Variants in PAQR5 observed in about 807,000 individuals in gnomAD.
PAQR5 encodes the protein membrane progestin receptor gamma.
PAQR5 carries 20 observed loss-of-function variants against 34.5 expected under a neutral mutation model. That is an observed-to-expected ratio of 0.58 (90% CI 0.41 to 0.84). The LOEUF (loss-of-function observed/expected upper bound fraction) is 0.84. PAQR5 is among the 40% of genes least tolerant of loss of function. The pLI is 0.00. For missense variants in PAQR5, 378 were observed against 412.7 expected, an observed-to-expected ratio of 0.92 and a Z score of 0.73; for synonymous variants, 131 against 155.6, an observed-to-expected ratio of 0.84 and a Z score of 1.18.
chr15:69,361,367 A>G (rs1457707463), intron 3 of PAQR5, among the ~76,000 whole-genome samples: 1 of 152,206 alleles, frequency 6.6e-6, no homozygotes, highest in Non-Finnish European at 1.5e-5. Flanking sequence ...TTAAATGTGC[A>G]TGAGAAATTC....
chr15:69,302,332 CA>C (rs1051736459), intron 1 of PAQR5, among the ~76,000 whole-genome samples: 1 of 152,060 alleles, frequency 6.6e-6, no homozygotes, highest in African/African-American at 2.4e-5. Flanking sequence ...CTCTACCTCC[CA>C]AAGTGCTGGG....
At chr15:69,302,292 C>T (rs909398694) in intron 1 of PAQR5, among the ~76,000 whole-genome samples, 2 of 152,148 alleles carry the variant, frequency 1.3e-5, no homozygotes, top group South Asian at 2.1e-4. Flanking sequence ...AGGCTGCTCT[C>T]GAACTCCTGA....
intron 8 of PAQR5, among the ~76,000 whole-genome samples, chr15:69,403,340 C>T (rs191014275): frequency 6.6e-5 from 10 of 152,252 alleles, no homozygotes; most frequent in Non-Finnish European, 1.2e-4. Context: ...AGTTTTAGAA[C>T]ATTTTCATCC....
chr15:69,361,843 T>C (rs1295770424), intron 3 of PAQR5, among the ~76,000 whole-genome samples: 2 of 151,700 alleles, frequency 1.3e-5, no homozygotes, highest in African/African-American at 4.8e-5. Context: ...GAAGGCTTCA[T>C]GAAGGGGGTG....
intron 7 of PAQR5, among the ~76,000 whole-genome samples, chr15:69,398,630 T>TAGAA (rs2056529515): frequency 1.3e-5 from 2 of 152,196 alleles, no homozygotes; most frequent in South Asian, 4.1e-4. Context: ...GAGCACGTTC[T>TAGAA]CTGTGCTCTG....
chr15:69,358,982 T>C (rs28542352), intron 2 of PAQR5, among the ~76,000 whole-genome samples: 8,487 of 152,158 alleles, frequency 0.056, 801 homozygotes, highest in African/African-American at 0.19. Flanking sequence ...TATCTAAGAC[T>C]GGGTAATTTA....
At chr15:69,354,885 A>G (rs1265847943) in intron 2 of PAQR5, among the ~76,000 whole-genome samples, 1 of 152,198 alleles carries the variant, frequency 6.6e-6, no homozygotes, top group African/African-American at 2.4e-5. Context: ...TTTCTCCTGG[A>G]GCTGGGTCAC....
At chr15:69,350,686 C>A (rs561390134) in intron 2 of PAQR5, among the ~76,000 whole-genome samples, 18 of 150,762 alleles carry the variant, frequency 1.2e-4, no homozygotes, top group Non-Finnish European at 2.2e-4. Context: ...CACACACACA[C>A]AAAACAAACA....
At chr15:69,340,927 T>C (rs1201575129) in intron 2 of PAQR5, among the ~76,000 whole-genome samples, 4 of 152,196 alleles carry the variant, frequency 2.6e-5, no homozygotes, top group Admixed American at 6.5e-5. Context: ...GAAAATAAAT[T>C]TTTGTATTAA....
chr15:69,301,929 G>A (rs2053614933), intron 1 of PAQR5, among the ~76,000 whole-genome samples: 2 of 138,596 alleles, frequency 1.4e-5, no homozygotes, highest in South Asian at 2.3e-4. Flanking sequence ...ATGGTGGCAG[G>A]AAACTGGGCA....
intron 1 of PAQR5, among the ~76,000 whole-genome samples, chr15:69,299,259 G>T (rs905568758): frequency 6.6e-6 from 1 of 152,286 alleles, no homozygotes; most frequent in African/African-American, 2.4e-5. Flanking sequence ...TTCACCGCAC[G>T]CGGGGCCGGT....
rs2056751059 is a variant in PAQR5 at position 69,406,458 on chromosome 15, T to C, written c.*2636T>C. ...GAATTTGTGGCTGGTCTGAAGGTAG[T>C]GAGTTAGCTCAATTGATTGTTCGCA... On this transcript the variant is annotated 3_prime_UTR_variant, in exon 9 of 9. Transcript: ENST00000395407. The C allele has an allele frequency of 6.6e-6, 1 of 152,266 alleles. No individual in the cohort carries two copies. Among genetic ancestry groups the C allele is most frequent in the Admixed American group, 6.5e-5 (1 of 15,294 alleles). 9.4% of individuals were successfully genotyped at this position (152,266 alleles called of 1,614,324 possible).
chr15:69,324,456 T>C (rs2140627484), intron 1 of PAQR5, among the ~76,000 whole-genome samples: 1 of 152,366 alleles, frequency 6.6e-6, no homozygotes, highest in East Asian at 1.9e-4. Flanking sequence ...TTGAAACTTT[T>C]ATGATCCTCA....
chr15:69,318,662 A>C, intron 1 of PAQR5, among the ~76,000 whole-genome samples: 1 of 151,886 alleles, frequency 6.6e-6, no homozygotes, highest in Non-Finnish European at 1.5e-5. Flanking sequence ...CCTTATCTGC[A>C]AGGGAGGTAG....
intron 1 of PAQR5, among the ~76,000 whole-genome samples, chr15:69,302,281 C>G (rs2053623142): frequency 6.6e-6 from 1 of 152,048 alleles, no homozygotes; most frequent in Non-Finnish European, 1.5e-5. Flanking sequence ...CTATGTTGCC[C>G]AGGCTGCTCT....
Position 69,404,846 on chromosome 15 carries a change from C to T in PAQR5, c.*1024C>T. ...ACAAATGCAGACTCCTAGGGAAAAC[C>T]AGGGGGTTCTGCTTCACTAGGTTAA... On this transcript the variant is annotated 3_prime_UTR_variant, in exon 9 of 9. Coordinates refer to ENST00000395407, the MANE Select transcript of PAQR5 (RefSeq NM_017705.4). 5.0e-6 allele frequency: 2 copies of T among 397,748 alleles called. No homozygotes were observed. The highest frequency in any genetic ancestry group is 8.9e-6 in the Non-Finnish European group (2 of 225,802). 24.6% of individuals were successfully genotyped at this position (397,748 alleles called of 1,614,324 possible).
At chr15:69,347,167 C>T (rs534582226) in intron 2 of PAQR5, among the ~76,000 whole-genome samples, 1 of 152,216 alleles carries the variant, frequency 6.6e-6, no homozygotes, top group East Asian at 1.9e-4. Context: ...ATTTTAAATG[C>T]AAAATAACCA....
intron 6 of PAQR5, among the ~76,000 whole-genome samples, chr15:69,394,740 G>A (rs1326103099): frequency 6.6e-6 from 1 of 152,192 alleles, no homozygotes; most frequent in East Asian, 1.9e-4. Context: ...CACGTGGGGC[G>A]CCTCTGAGGA....
chr15:69,306,349 TTTACCATTTAACCTTTAACC>T (rs1435949890), intron 1 of PAQR5, among the ~76,000 whole-genome samples: 9 of 152,008 alleles, frequency 5.9e-5, no homozygotes, highest in South Asian at 4.2e-4. Flanking sequence ...ACCTTTTTTT[TTTACCATTTAACCTTTAACC>T]TTTACCATTT....
Sources: allele counts gnomAD v4.1 joint callset (sites outside exome capture counted in the v4.1 genomes callset), GRCh38; gene constraint gnomAD v4.1.1; transcripts MANE v1.5; gene names NCBI Gene and HGNC (gene_info 2026-07-23, HGNC 2026-07-21).